The following PPHLN1 variants were observed in gnomAD, a reference collection of about 807,000 sequenced individuals.
PPHLN1 encodes periphilin 1, also known as periphilin-1.
In PPHLN1, 29 loss-of-function variants were observed where a neutral mutation model predicts 51.3. That is an observed-to-expected ratio of 0.57 (90% CI 0.42 to 0.77). The LOEUF (loss-of-function observed/expected upper bound fraction) is 0.77, where lower values mean the gene tolerates loss of function less well. Ranked by LOEUF, PPHLN1 falls within the 30% of genes least tolerant of loss-of-function variation. The probability of loss-of-function intolerance (pLI) is 0.00; values close to 1 mark genes in which losing one functional copy is unlikely to be tolerated. For synonymous variants in PPHLN1, 147 were observed against 147.8 expected (o/e 0.99, Z 0.04); for missense variants, 436 against 438.4 (o/e 0.99, Z 0.05).
chr12:42,358,349 C>T (rs1261249707), intron 4 of PPHLN1, among the ~76,000 whole-genome samples: 1 of 151,874 alleles, frequency 6.6e-6, no homozygotes, highest in Non-Finnish European at 1.5e-5. Flanking sequence ...CTATATTTTT[C>T]TCTATATTCA....
chr12:42,387,434 C>G, intron 6 of PPHLN1, 22 bp from the exon 7 acceptor site: 1 of 1,571,804 alleles, frequency 6.4e-7, no homozygotes, highest in Non-Finnish European at 8.6e-7. Flanking sequence ...AAAAAAATTA[C>G]ATCTTATGTT....
chr12:42,438,106 A>G (rs1305731263), intron 9 of PPHLN1, among the ~76,000 whole-genome samples: 1 of 152,184 alleles, frequency 6.6e-6, no homozygotes, highest in Non-Finnish European at 1.5e-5. Flanking sequence ...AATTTTTGGC[A>G]GTTATAATAA....
At chr12:42,387,411 C>A (rs761917720) in intron 6 of PPHLN1, 45 bp from the exon 7 acceptor site, 1 of 1,559,762 alleles carries the variant, frequency 6.4e-7, no homozygotes, top group South Asian at 1.2e-5. Context: ...TTATCAAAAA[C>A]AAATTAGCTA....
chr12:42,328,164 G>T (rs1040281967), intron 1 of PPHLN1, among the ~76,000 whole-genome samples: 2 of 152,144 alleles, frequency 1.3e-5, no homozygotes, highest in Non-Finnish European at 2.9e-5. Flanking sequence ...TTGATGGACC[G>T]TTGGATGTTG....
chr12:42,348,078 G>A (rs11181450), intron 2 of PPHLN1, among the ~76,000 whole-genome samples: 2 of 151,682 alleles, frequency 1.3e-5, no homozygotes, highest in Non-Finnish European at 2.9e-5. Context: ...TTGAATTTTT[G>A]TTTTCTTTTG....
chr12:42,384,702 C>G (rs2077044595), intron 5 of PPHLN1, among the ~76,000 whole-genome samples: 1 of 152,178 alleles, frequency 6.6e-6, no homozygotes, highest in Non-Finnish European at 1.5e-5. Flanking sequence ...TGGTCTTATC[C>G]TGACAGTTCC....
intron 4 of PPHLN1, among the ~76,000 whole-genome samples, chr12:42,363,527 T>C (rs1452168413): frequency 2.0e-5 from 3 of 151,708 alleles, no homozygotes; most frequent in Admixed American, 1.3e-4. Context: ...TGGTTTATAT[T>C]CAAATGTGTT....
rs2070584107 is a variant in PPHLN1 at position 42,335,960 on chromosome 12, C to T, written c.58C>T (p.Arg20Ter). The stretch of plus-strand genomic sequence containing the variant: ...AATTCCGAGAGAACGAGCACCTCCT[C>T]GAAGTCATCCCAGTGTAAGTTACTC... ...ERIPRERAPP[R>*]SHPSDGYNRL... Residue 20 changes from arginine (R) to a stop codon, truncating the protein, a stop_gained, in exon 2 of 10, where the codon CGA becomes TGA. Coordinates refer to ENST00000358314, the MANE Select transcript of PPHLN1 (RefSeq NM_201439.2). LOFTEE classifies it high-confidence loss of function. The T allele has an allele frequency of 6.3e-7, 1 of 1,581,486 alleles. No homozygotes were observed. The highest frequency in any genetic ancestry group is 8.6e-7 in the Non-Finnish European group (1 of 1,161,564).
chr12:42,370,319 G>T (rs1812731734), intron 4 of PPHLN1, among the ~76,000 whole-genome samples: 1 of 152,172 alleles, frequency 6.6e-6, no homozygotes, highest in South Asian at 2.1e-4. Flanking sequence ...TTTTGAGAAG[G>T]ATTGCTCTAA....
At chr12:42,419,526 G>A (rs544664060) in intron 9 of PPHLN1, among the ~76,000 whole-genome samples, 4 of 152,156 alleles carry the variant, frequency 2.6e-5, no homozygotes, top group African/African-American at 4.8e-5. Flanking sequence ...GAGCCACCAC[G>A]CCTGGCCTTT....
At chr12:42,372,584 C>G (rs1346825822) in intron 4 of PPHLN1, among the ~76,000 whole-genome samples, 1 of 152,132 alleles carries the variant, frequency 6.6e-6, no homozygotes, top group Non-Finnish European at 1.5e-5. Context: ...CTCTGTTCTC[C>G]CATTCTTCGA....
chr12:42,355,269 C>A (rs2032471975), intron 4 of PPHLN1, 47 bp downstream of exon 4: 3 of 1,489,526 alleles, frequency 2.0e-6, no homozygotes, highest in Non-Finnish European at 9.4e-7. Context: ...ACTTGACTCA[C>A]TGTGATGTCT....
At chr12:42,375,237 T>C (rs779103856) in intron 5 of PPHLN1, 163 bp downstream of exon 5, 1 of 492,540 alleles carries the variant, frequency 2.0e-6, no homozygotes, top group Non-Finnish European at 3.5e-6. Flanking sequence ...ACAAACACCA[T>C]ACACACACAT....
intron 4 of PPHLN1, among the ~76,000 whole-genome samples, chr12:42,368,850 T>C (rs2075532194): frequency 6.6e-6 from 1 of 152,176 alleles, no homozygotes; most frequent in African/African-American, 2.4e-5. Context: ...TTTTAAGATA[T>C]TGGTAAAAGA....
intron 9 of PPHLN1, among the ~76,000 whole-genome samples, chr12:42,420,534 C>T (rs1020150969): frequency 6.6e-6 from 1 of 151,392 alleles, no homozygotes; most frequent in African/African-American, 2.4e-5. Context: ...GCGGTGGCAC[C>T]ATCTCAGCTC....
intron 4 of PPHLN1, among the ~76,000 whole-genome samples, chr12:42,372,193 G>T (rs1340149985): frequency 1.3e-5 from 2 of 152,166 alleles, no homozygotes; most frequent in Non-Finnish European, 2.9e-5. Context: ...GGATACTTAT[G>T]AAAATTGAGG....
At chr12:42,403,997 C>T (rs907563942) in intron 9 of PPHLN1, among the ~76,000 whole-genome samples, 1 of 151,218 alleles carries the variant, frequency 6.6e-6, no homozygotes, top group African/African-American at 2.4e-5. Flanking sequence ...GTATAATGAA[C>T]ACTTAGTGTT....
intron 6 of PPHLN1, chr12:42,386,988 A>G (rs1236028881): frequency 6.6e-6 from 1 of 152,414 alleles, no homozygotes; most frequent in African/African-American, 2.4e-5. Context: ...TTTATGTTTA[A>G]AACTGTCTAA....
chr12:42,376,198 C>T (rs1003792931), intron 5 of PPHLN1, among the ~76,000 whole-genome samples: 2 of 152,118 alleles, frequency 1.3e-5, no homozygotes, highest in Non-Finnish European at 2.9e-5. Flanking sequence ...GTGCAGAAAT[C>T]AGAAAAGTCC....
Sources: allele counts gnomAD v4.1 joint callset (sites outside exome capture counted in the v4.1 genomes callset), GRCh38; gene constraint gnomAD v4.1.1; transcripts MANE v1.5; gene names NCBI Gene and HGNC (gene_info 2026-07-23, HGNC 2026-07-21).